The following ROBO2 variants were observed in gnomAD, a reference collection of about 807,000 sequenced individuals.
ROBO2 encodes the protein roundabout guidance receptor 2.
A neutral mutation model predicts 160.8 loss-of-function variants in ROBO2; 53 were observed. The observed-to-expected ratio is 0.33, with a 90% CI of 0.26 to 0.41. The LOEUF (loss-of-function observed/expected upper bound fraction) is 0.41, where lower values mean the gene tolerates loss of function less well. ROBO2 is among the 10% of genes least tolerant of loss of function. The probability of loss-of-function intolerance (pLI) is 1.00; values close to 1 mark genes in which losing one functional copy is unlikely to be tolerated. For synonymous variants in ROBO2, 664 were observed against 611.7 expected (o/e 1.09, Z -1.26); for missense variants, 1,577 against 1,722.4 (o/e 0.92, Z 1.49).
Position 76,618,652 on chromosome 3 carries a change from T to C in ROBO2, c.110-479362T>C, listed in dbSNP as rs572625922. Reference sequence around the variant, plus strand: ...AGTGTTTAGCTTTCTCATATGTGTATTCTTTTAAAATATTAGAGCATTTCT... The same window carrying C: ...AGTGTTTAGCTTTCTCATATGTGTACTCTTTTAAAATATTAGAGCATTTCT... On this transcript the variant is annotated intron_variant, in intron 2 of 26. Coordinates refer to the ROBO2 transcript ENST00000487694. Among the ~76,000 whole-genome samples the C allele has an allele frequency of 8.2e-4, 125 of 151,772 alleles. 2 individuals are homozygous for C. The highest frequency in any genetic ancestry group is 3.0e-3 in the African/African-American group (123 of 41,254).
chr3:76,460,145 T>TA (rs541002198), intron 2 of ROBO2, among the ~76,000 whole-genome samples: 15 of 150,488 alleles, frequency 1.0e-4, no homozygotes, highest in South Asian at 2.1e-4. Flanking sequence ...TTTACATTTA[T>TA]AAAAAAAAAC....
At chr3:76,292,856 C>A (rs1708872623) in intron 2 of ROBO2, among the ~76,000 whole-genome samples, 1 of 152,022 alleles carries the variant, frequency 6.6e-6, no homozygotes, top group Non-Finnish European at 1.5e-5. Flanking sequence ...TAATTTATCT[C>A]ATTGTAGTGA....
intron 2 of ROBO2, among the ~76,000 whole-genome samples, chr3:77,414,851 CTT>C (rs1163849880): frequency 6.6e-6 from 1 of 152,176 alleles, no homozygotes; most frequent in Non-Finnish European, 1.5e-5. Context: ...TTGTTGGAGT[CTT>C]TATCCATTGC....
At chr3:77,009,622 T>C (rs1444873541) in intron 2 of ROBO2, among the ~76,000 whole-genome samples, 3 of 152,134 alleles carry the variant, frequency 2.0e-5, no homozygotes, top group South Asian at 4.1e-4. Context: ...TAAGAAAGAA[T>C]TTATTCCAAA....
At chr3:76,445,550 T>G (rs990867713) in intron 2 of ROBO2, among the ~76,000 whole-genome samples, 1 of 152,138 alleles carries the variant, frequency 6.6e-6, no homozygotes, top group Non-Finnish European at 1.5e-5. Context: ...GAGGCCAGCT[T>G]CATCCTGATA....
chr3:76,333,593 A>G (rs186102940), intron 2 of ROBO2, among the ~76,000 whole-genome samples: 1 of 152,328 alleles, frequency 6.6e-6, no homozygotes, highest in Non-Finnish European at 1.5e-5. Flanking sequence ...TGTTTATAAA[A>G]AGCATTCAAC....
intron 2 of ROBO2, among the ~76,000 whole-genome samples, chr3:76,651,449 G>C (rs1313019595): frequency 6.6e-6 from 1 of 152,000 alleles, no homozygotes; most frequent in African/African-American, 2.4e-5. Context: ...TCAGAGTGTA[G>C]CATACATAAA....
chr3:77,546,188 T>A, intron 6 of ROBO2, 150 bp from the exon 8 acceptor site: 1 of 877,868 alleles, frequency 1.1e-6, no homozygotes, highest in South Asian at 1.6e-5. Flanking sequence ...TGTCTTTCTT[T>A]TTGTGTTTTG....
intron 2 of ROBO2, among the ~76,000 whole-genome samples, chr3:76,999,506 G>C (rs1172946309): frequency 6.6e-6 from 1 of 152,010 alleles, no homozygotes; most frequent in Admixed American, 6.6e-5. Context: ...TTTGGTGTAG[G>C]ACTCCTTGTT....
chr3:76,460,814 C>G (rs1312396531), intron 2 of ROBO2, among the ~76,000 whole-genome samples: 1 of 152,118 alleles, frequency 6.6e-6, no homozygotes, highest in East Asian at 1.9e-4. Flanking sequence ...TGTTTTAAAT[C>G]ATTAAATTCT....
At chr3:77,024,051 C>T (rs527858990) in intron 2 of ROBO2, among the ~76,000 whole-genome samples, 1 of 151,984 alleles carries the variant, frequency 6.6e-6, no homozygotes, top group Non-Finnish European at 1.5e-5. Flanking sequence ...TTTTGTAGAT[C>T]GTGTATATAT....
intron 2 of ROBO2, among the ~76,000 whole-genome samples, chr3:77,017,484 G>A (rs1235648022): frequency 6.6e-6 from 1 of 152,110 alleles, no homozygotes; most frequent in Non-Finnish European, 1.5e-5. Flanking sequence ...AATTATTCTT[G>A]AGCATTAGTT....
chr3:76,627,890 C>T (rs1045401812), intron 2 of ROBO2, among the ~76,000 whole-genome samples: 3 of 151,942 alleles, frequency 2.0e-5, no homozygotes, highest in African/African-American at 7.3e-5. Context: ...TAATATTTTC[C>T]TATGTATGTG....
At chr3:76,555,408 GAA>G (rs1560141297) in intron 2 of ROBO2, among the ~76,000 whole-genome samples, 68 of 73,882 alleles carry the variant, frequency 9.2e-4, no homozygotes, top group African/African-American at 1.9e-3. Flanking sequence ...AGAAGAAGAA[GAA>G]GAAGAAGAAA....
At chr3:76,147,003 G>A (rs1005914475) in intron 2 of ROBO2, among the ~76,000 whole-genome samples, 1 of 150,912 alleles carries the variant, frequency 6.6e-6, no homozygotes, top group Admixed American at 6.6e-5. Context: ...AGAAGATCAG[G>A]AAAAATAAGA....
chr3:76,535,014 C>A lies in ROBO2; in HGVS notation c.110-563000C>A, dbSNP rs570786374. ...AAAGTAGTGTGGGCTTTCCCTGAAA[C>A]CTTGGGGTAGGACAGTCTGGGTGAG... is the stretch of plus-strand genomic sequence containing the variant. On this transcript the variant is annotated intron_variant, in intron 2 of 26. Transcript: ENST00000487694. 8.6e-5 allele frequency among the ~76,000 whole-genome samples: 13 copies of A among 152,022 alleles called. No individual in the cohort carries two copies. The East Asian group carries it at 2.5e-3, about 30-fold the overall frequency.
At chr3:76,603,656 T>C (rs2087415848) in intron 2 of ROBO2, among the ~76,000 whole-genome samples, 1 of 151,934 alleles carries the variant, frequency 6.6e-6, no homozygotes, top group African/African-American at 2.4e-5. Flanking sequence ...TACATGCTCT[T>C]GTTCTGCCTT....
intron 2 of ROBO2, among the ~76,000 whole-genome samples, chr3:75,979,215 T>C (rs1005288240): frequency 6.6e-6 from 1 of 151,630 alleles, no homozygotes; most frequent in African/African-American, 2.4e-5. Context: ...ACAGATACTC[T>C]ATCATACTAG....
At chr3:76,185,215 T>TATATATAGATATATATATATATATACAC in intron 2 of ROBO2, among the ~76,000 whole-genome samples, 7 of 90,290 alleles carry the variant, frequency 7.8e-5, no homozygotes, top group East Asian at 2.7e-4. Context: ...TATATATATA[T>TATATATAGATATATATATATATATACAC]ACACACACAA....
Sources: allele counts gnomAD v4.1 joint callset (sites outside exome capture counted in the v4.1 genomes callset), GRCh38; gene constraint gnomAD v4.1.1; transcripts MANE v1.5; gene names NCBI Gene and HGNC (gene_info 2026-07-23, HGNC 2026-07-21).